The following TNR variants were observed in gnomAD, a reference collection of about 807,000 sequenced individuals.
TNR encodes tenascin R, also known as tenascin-R.
TNR carries 45 observed loss-of-function variants against 150.4 expected under a neutral mutation model. That is an observed-to-expected ratio of 0.30 (90% CI 0.24 to 0.38). The LOEUF is 0.38. Ranked by LOEUF, TNR falls within the 10% of genes least tolerant of loss-of-function variation. TNR has a pLI of 1.00. For missense variants in TNR, 1,544 were observed against 1,759.1 expected (o/e 0.88, Z 2.19); for synonymous variants, 687 against 678.4 (o/e 1.01, Z -0.20).
At chr1:175,642,846 A>C (rs868135594) in intron 1 of TNR, among the ~76,000 whole-genome samples, 2 of 152,274 alleles carry the variant, frequency 1.3e-5, no homozygotes, top group Middle Eastern at 6.8e-3. Context: ...CAGGAGGATC[A>C]CTTGAGCCCA....
intron 17 of TNR, 97 bp downstream of exon 17, chr1:175,355,406 C>T: frequency 1.3e-6 from 2 of 1,511,056 alleles, no homozygotes; most frequent in Non-Finnish European, 1.8e-6. Flanking sequence ...TTGCTTCCTT[C>T]CCCCTCCCTC....
At chr1:175,461,125 G>A (rs1656798322) in intron 2 of TNR, among the ~76,000 whole-genome samples, 3 of 152,180 alleles carry the variant, frequency 2.0e-5, no homozygotes, top group Admixed American at 2.0e-4. Context: ...TCCCTTCCTG[G>A]TCCCAGATGG....
chr1:175,324,631 C>A (rs1649261437), intron 21 of TNR, 112 bp from the exon 22 acceptor site: 3 of 1,252,250 alleles, frequency 2.4e-6, no homozygotes, highest in Admixed American at 2.0e-5. Flanking sequence ...GGAACCTTTT[C>A]ATTTCCACCC....
chr1:175,623,898 C>T (rs541215118), intron 1 of TNR, among the ~76,000 whole-genome samples: 1 of 152,380 alleles, frequency 6.6e-6, no homozygotes, highest in East Asian at 1.9e-4. Context: ...GGGCCCAGGT[C>T]TCCTGACACA....
chr1:175,403,438 G>T lies in TNR; in HGVS notation c.678C>A (p.Ser226Arg). Residue 226 changes from serine to arginine, a missense_variant, in exon 4 of 23, where the codon AGC becomes AGA. By Grantham distance (110) the Ser-to-Arg change is moderately radical (BLOSUM62 -1). Transcript: ENST00000367674. The stretch of plus-strand genomic sequence containing the variant: ...ACCGGAGTTCGGAACAGTCATCCCC[G>T]CTGTACTCGCTGTCACAGATGCACT... Reference protein sequence around the residue: ...DGQCICDSEYSGDDCSELRCP... With the variant: ...DGQCICDSEYRGDDCSELRCP... The T allele has an allele frequency of 1.2e-6, 2 of 1,614,132 alleles. No homozygotes were observed. The highest frequency in any genetic ancestry group is 1.7e-6 in the Non-Finnish European group (2 of 1,180,038).
intron 20 of TNR, among the ~76,000 whole-genome samples, chr1:175,334,589 C>A (rs1650131649): frequency 6.6e-6 from 1 of 152,188 alleles, no homozygotes; most frequent in Non-Finnish European, 1.5e-5. Context: ...CGAAGTGACC[C>A]CACCTGGACC....
chr1:175,343,941 G>A (rs1003872334), intron 18 of TNR, among the ~76,000 whole-genome samples: 8 of 152,136 alleles, frequency 5.3e-5, no homozygotes, highest in Non-Finnish European at 7.4e-5. Flanking sequence ...GGTTTTTGGC[G>A]TTTTTGAACA....
chr1:175,580,540 G>A (rs1022678666), intron 1 of TNR, among the ~76,000 whole-genome samples: 18 of 152,302 alleles, frequency 1.2e-4, no homozygotes, highest in African/African-American at 4.3e-4. Flanking sequence ...AAGAATAGCA[G>A]TCTTATTACA....
intron 1 of TNR, among the ~76,000 whole-genome samples, chr1:175,619,819 T>C (rs1369975178): frequency 1.3e-5 from 2 of 152,176 alleles, no homozygotes; most frequent in Non-Finnish European, 2.9e-5. Flanking sequence ...GCATAATACA[T>C]ACAGCCAATC....
chr1:175,409,912 A>G (rs1473873920), intron 2 of TNR, among the ~76,000 whole-genome samples: 2 of 152,230 alleles, frequency 1.3e-5, no homozygotes, highest in East Asian at 3.8e-4. Context: ...TATGTCATAC[A>G]TAATGTATTA....
chr1:175,689,610 G>A (rs968271026), intron 1 of TNR, among the ~76,000 whole-genome samples: 1 of 152,182 alleles, frequency 6.6e-6, no homozygotes, highest in African/African-American at 2.4e-5. Context: ...CCTGGCTTGG[G>A]TCCCGTGGAG....
In TNR at chr1:175,599,324, G is replaced by A. The variant is rs1663135576; in HGVS notation, c.-164-70955C>T. On this transcript the variant is annotated intron_variant, in intron 1 of 22. Coordinates refer to ENST00000367674, the MANE Select transcript of TNR (RefSeq NM_003285.3). This position sits in a 1 kb window ranked among gnomAD's most constrained non-coding sequence, Gnocchi z 4.7. The stretch of plus-strand genomic sequence containing the variant: ...GGAGACATCGCAGCAACGCTAACGG[G>A]GCAGACCGCATAGGGGCCCTGAGAG... 1.3e-5 allele frequency among the ~76,000 whole-genome samples: 2 copies of A among 152,200 alleles called. No individual in the cohort carries two copies. The highest frequency in any genetic ancestry group is 2.9e-5 in the Non-Finnish European group (2 of 68,020).
chr1:175,681,835 A>G (rs1666043609), intron 1 of TNR, among the ~76,000 whole-genome samples: 1 of 152,138 alleles, frequency 6.6e-6, no homozygotes. Context: ...GCCAGAAGCT[A>G]GTTCTGTTGG....
rs1483860409 is a variant in TNR, at chr1:175,727,415, T to C, written c.-165+15811A>G. ...CTTGACAAGAGCAGTCTCTTTGGAG[T>C]AGTGAGGATGGAAGCCTGCTTGGGA... On this transcript the variant is annotated intron_variant, in intron 1 of 22. Transcript: ENST00000367674. Among the ~76,000 whole-genome samples, 6 of 151,820 alleles carry C rather than the reference T, an allele frequency of 4.0e-5. 1 individual carries two copies. The highest frequency in any genetic ancestry group is 3.9e-4 in the Admixed American group (6 of 15,230).
intron 1 of TNR, among the ~76,000 whole-genome samples, chr1:175,586,264 G>A (rs928692503): frequency 6.6e-6 from 1 of 152,118 alleles, no homozygotes; most frequent in Non-Finnish European, 1.5e-5. Flanking sequence ...GAGATGCCAG[G>A]TGCTCCAAAC....
intron 20 of TNR, chr1:175,335,140 G>T (rs1328892808): frequency 6.6e-6 from 1 of 152,300 alleles, no homozygotes; most frequent in Non-Finnish European, 1.5e-5. Context: ...TCCAGAACTT[G>T]GCACCACCAC....
At chr1:175,381,485 C>A (rs150138407) in intron 8 of TNR, among the ~76,000 whole-genome samples, 8 of 152,152 alleles carry the variant, frequency 5.3e-5, no homozygotes, top group Middle Eastern at 3.2e-3. Flanking sequence ...CCTCCAATGT[C>A]AATGATCCTG....
Position 175,386,073 on chromosome 1 carries a change from C to A in TNR, c.1736G>T (p.Gly579Val). Residue 579 changes from glycine to valine, a missense_variant, in exon 8 of 23, where the codon GGG (glycine) becomes GTG (valine). By Grantham distance (109) the Gly-to-Val change is moderately radical (BLOSUM62 -3). Coordinates refer to ENST00000367674, the MANE Select transcript of TNR (RefSeq NM_003285.3). ...RYEVSVSAVRGTNESDSATTQ... is the reference protein window; with the variant it reads ...RYEVSVSAVRVTNESDSATTQ... ...GGTGGCAGAATCGCTCTCGTTGGTC[C>A]CTCGGACGGCACTGACTGACACCTC... The A allele has an allele frequency of 1.2e-6, 2 of 1,607,586 alleles. No individual in the cohort carries two copies. The highest frequency in any genetic ancestry group is 2.2e-5 in the South Asian group (2 of 90,754).
chr1:175,406,297 G>A lies in TNR; in HGVS notation c.418C>T (p.Arg140Trp). The change falls in exon 3 of 23, where the codon CGG becomes TGG. Residue 140 changes from arginine (R) to tryptophan (W), a missense_variant. Coordinates refer to ENST00000367674, the MANE Select transcript of TNR (RefSeq NM_003285.3). Reference protein sequence around the residue: ...SAQVLQELLSRIEMLEREVSV... With the variant: ...SAQVLQELLSWIEMLEREVSV... ...ACCTCCCTCTCCAGCATCTCGATCC[G>A]GCTCAGCAGCTCCTGCAGCACCTGG... 1.9e-6 allele frequency: 3 copies of A among 1,614,134 alleles called. No homozygotes were observed. Among genetic ancestry groups the A allele is most frequent in the Non-Finnish European group, 1.7e-6 (2 of 1,180,020 alleles).
Sources: gnomAD v4.1 joint callset for allele counts (sites outside exome capture counted in the v4.1 genomes callset) on GRCh38, gnomAD v4.1.1 for gene constraint, Gnocchi (gnomAD v3.1) non-coding constraint, MANE v1.5 for transcripts, NCBI Gene and HGNC (gene_info 2026-07-23, HGNC 2026-07-21) for gene names.